Variants in PAMR1 observed in about 807,000 individuals in gnomAD.
PAMR1 encodes inactive serine protease PAMR1.
PAMR1 carries 88 observed loss-of-function variants against 81.8 expected under a neutral mutation model. The ratio of observed to expected loss-of-function variants is 1.08; its 90% CI spans 0.91 to 1.28. The LOEUF is 1.28. Ranked by LOEUF, PAMR1 falls within the 50% of genes most tolerant of loss-of-function variation. The probability of loss-of-function intolerance (pLI) is 0.00; values close to 1 mark genes in which losing one functional copy is unlikely to be tolerated. For synonymous variants in PAMR1, 336 were observed against 345.3 expected, an observed-to-expected ratio of 0.97 and a Z score of 0.30; for missense variants, 935 against 919.7, an observed-to-expected ratio of 1.02 and a Z score of -0.21.
chr11:35,432,429 C>A lies in PAMR1; in HGVS notation c.2090G>T (p.Cys697Phe), dbSNP rs752082874. 21 of 1,614,026 alleles carry A rather than the reference C, an allele frequency of 1.3e-5. No individual in the cohort carries two copies. Among genetic ancestry groups the A allele is most frequent in the South Asian group, 4.4e-5 (4 of 91,088 alleles). Reference sequence around the variant, plus strand: ...GAAGGCAGTGGAGAGCCTGTGGCTGCATGTTTTATCATAGCTCCAGCTGAC... The same window carrying A: ...GAAGGCAGTGGAGAGCCTGTGGCTGAATGTTTTATCATAGCTCCAGCTGAC... ...GLVSWSYDKT[C>F]SHRLSTAFTK... The change falls in exon 11 of 11, where the codon TGC becomes TTC. Residue 697 changes from cysteine to phenylalanine, a missense_variant. Coordinates refer to ENST00000619888, the MANE Select transcript of PAMR1 (RefSeq NM_001001991.3).
chr11:35,523,899 T>C (rs1040108567), intron 1 of PAMR1, among the ~76,000 whole-genome samples: 3 of 152,200 alleles, frequency 2.0e-5, no homozygotes, highest in African/African-American at 4.8e-5. Flanking sequence ...CAGAAATAAA[T>C]GGATTTTTCA....
chr11:35,465,558 T>C (rs1856742033), intron 6 of PAMR1, among the ~76,000 whole-genome samples: 1 of 152,258 alleles, frequency 6.6e-6, no homozygotes, highest in African/African-American at 2.4e-5. Context: ...CATAGCCATT[T>C]TTTGTGACGT....
At chr11:35,456,232 A>T (rs528875489) in intron 6 of PAMR1, among the ~76,000 whole-genome samples, 64 of 152,316 alleles carry the variant, frequency 4.2e-4, no homozygotes, top group African/African-American at 1.4e-3. Context: ...GTTGTGAACC[A>T]ATGAATACAG....
intron 6 of PAMR1, among the ~76,000 whole-genome samples, chr11:35,443,637 T>G (rs537799005): frequency 6.6e-6 from 1 of 152,352 alleles, no homozygotes; most frequent in Admixed American, 6.5e-5. Flanking sequence ...TAATTCCATG[T>G]CTTTGCTATT....
chr11:35,517,978 T>A (rs940957518), intron 1 of PAMR1, among the ~76,000 whole-genome samples: 1 of 152,244 alleles, frequency 6.6e-6, no homozygotes, highest in African/African-American at 2.4e-5. Context: ...GAGTCTCTAT[T>A]GTACAGAAAG....
At chr11:35,444,818 T>C (rs1350739451) in intron 6 of PAMR1, among the ~76,000 whole-genome samples, 1 of 152,232 alleles carries the variant, frequency 6.6e-6, no homozygotes, top group African/African-American at 2.4e-5. Context: ...GTCTTGACTA[T>C]ATGGGCTGTT....
chr11:35,483,024 G>T (rs1181957678), intron 3 of PAMR1, among the ~76,000 whole-genome samples: 4 of 152,128 alleles, frequency 2.6e-5, no homozygotes, highest in Non-Finnish European at 5.9e-5. Context: ...TTGACTGGTT[G>T]TTCTCTTGAA....
rs115678555 is a variant in PAMR1 at position 35,498,867 on chromosome 11, C to T, written c.74-4595G>A. ...GCCTTCCCCTCCAAAATGCACACCC[C>T]TTCGATCCCATCCGTGGTTATTTCT... On this transcript the variant is annotated intron_variant, in intron 1 of 10. Transcript: ENST00000619888. 3.4e-3 allele frequency among the ~76,000 whole-genome samples: 519 copies of T among 152,322 alleles called. 2 individuals are homozygous for T. The highest frequency in any genetic ancestry group is 0.012 in the African/African-American group (501 of 41,570).
chr11:35,470,675 G>C lies in PAMR1; in HGVS notation c.638C>G (p.Ser213Ter). 6.2e-7 allele frequency: 1 copy of C among 1,614,188 alleles called. No homozygotes were observed. The highest frequency in any genetic ancestry group is 8.5e-7 in the Non-Finnish European group (1 of 1,180,012). The change falls in exon 5 of 11, where the codon TCA becomes TGA. Residue 213 changes from serine to a stop codon, truncating the protein, a stop_gained. Coordinates refer to ENST00000619888, the MANE Select transcript of PAMR1 (RefSeq NM_001001991.3). LOFTEE classifies it high-confidence loss of function. ...RPAPIQSIGS[S>*]LHVLFHSDGS... ...ATCGGAGTGGAAGAGGACGTGGAGT[G>C]AGGATCCTATGCTCTGGATAGGAGC...
rs72638199 is a variant in PAMR1 at position 35,485,840 on chromosome 11, A to G, written c.379+6205T>C. On this transcript the variant is annotated intron_variant, in intron 3 of 10. Coordinates refer to ENST00000619888, the MANE Select transcript of PAMR1 (RefSeq NM_001001991.3). The stretch of plus-strand genomic sequence containing the variant: ...GGCTCTTCAGAGACACTCAGAAGGA[A>G]GCGCCTTCAGGATAACGTTGTCTGA... 9.9e-3 allele frequency among the ~76,000 whole-genome samples: 1,505 copies of G among 152,288 alleles called. 52 individuals are homozygous for G. The highest frequency in any genetic ancestry group is 0.068 in the East Asian group (353 of 5,182).
At chr11:35,523,227 C>A (rs1221241565) in intron 1 of PAMR1, among the ~76,000 whole-genome samples, 3 of 152,176 alleles carry the variant, frequency 2.0e-5, no homozygotes, top group Non-Finnish European at 2.9e-5. Context: ...TTCCATGTTT[C>A]CTTTCTCGGC....
intron 1 of PAMR1, among the ~76,000 whole-genome samples, chr11:35,495,941 A>T (rs1365322667): frequency 6.6e-6 from 1 of 152,258 alleles, no homozygotes; most frequent in Non-Finnish European, 1.5e-5. Context: ...TCCACAAATT[A>T]GTGGGCCAGA....
intron 3 of PAMR1, among the ~76,000 whole-genome samples, chr11:35,484,926 G>A (rs1850470130): frequency 6.6e-6 from 1 of 152,202 alleles, no homozygotes; most frequent in African/African-American, 2.4e-5. Context: ...CAGCAGAGTG[G>A]TTCCACTTCA....
chr11:35,471,086 G>T (rs925279871), intron 4 of PAMR1, among the ~76,000 whole-genome samples: 1 of 152,210 alleles, frequency 6.6e-6, no homozygotes, highest in African/African-American at 2.4e-5. Flanking sequence ...CTTTGCATGT[G>T]TTGGTCTCTT....
intron 1 of PAMR1, among the ~76,000 whole-genome samples, chr11:35,524,600 T>C (rs1796289495): frequency 6.6e-6 from 1 of 152,176 alleles, no homozygotes; most frequent in South Asian, 2.1e-4. Flanking sequence ...AACCTGCCCC[T>C]ATTCAGAGCT....
chr11:35,432,336 A>T lies in PAMR1; in HGVS notation c.*20T>A, dbSNP rs1368494887. 3.8e-6 allele frequency: 6 copies of T among 1,596,236 alleles called. No individual in the cohort carries two copies. The highest frequency in any genetic ancestry group is 1.3e-5 in the African/African-American group (1 of 74,732). On this transcript the variant is annotated 3_prime_UTR_variant, in exon 11 of 11. Coordinates refer to ENST00000619888, the MANE Select transcript of PAMR1 (RefSeq NM_001001991.3). ...AGACGGATATACAGAAACACTTCTCAAGGAGTGCATGAGCATGGTTCATTT... is the reference window on the plus strand; with the variant it reads ...AGACGGATATACAGAAACACTTCTCTAGGAGTGCATGAGCATGGTTCATTT...
At chr11:35,456,987 A>G (rs532059118) in intron 6 of PAMR1, among the ~76,000 whole-genome samples, 1 of 152,248 alleles carries the variant, frequency 6.6e-6, no homozygotes, top group East Asian at 1.9e-4. Context: ...GCAACCCTAA[A>G]ATATATGTTA....
chr11:35,449,596 G>A (rs181644027), intron 6 of PAMR1, among the ~76,000 whole-genome samples: 56 of 152,292 alleles, frequency 3.7e-4, no homozygotes, highest in Admixed American at 1.4e-3. Flanking sequence ...AACTGAAACC[G>A]CAGTGATGGC....
At position 35,444,259 on chromosome 11, in the gene PAMR1, G is replaced by A. The variant is rs528255843; in HGVS notation, c.821-2566C>T. 8.0e-4 allele frequency among the ~76,000 whole-genome samples: 121 copies of A among 152,126 alleles called. 2 individuals are homozygous for A. In the South Asian group the frequency reaches 0.014, roughly 18 times the overall value. On this transcript the variant is annotated intron_variant, in intron 6 of 10. Coordinates refer to ENST00000619888, the MANE Select transcript of PAMR1 (RefSeq NM_001001991.3). ...CTGGATATTAGACCTTTGTCAGTTG[G>A]ATAGGTTCCAAAACTTTTCTCCCAT...
Sources: allele counts gnomAD v4.1 joint callset (sites outside exome capture counted in the v4.1 genomes callset), GRCh38; gene constraint gnomAD v4.1.1; transcripts MANE v1.5; gene names NCBI Gene and HGNC (gene_info 2026-07-23, HGNC 2026-07-21).